Variants in TOX2 observed in about 807,000 individuals in gnomAD.
The protein encoded by TOX2 is TOX high mobility group box family member 2.
In TOX2, 15 loss-of-function variants were observed where a neutral mutation model predicts 47.4. The ratio of observed to expected loss-of-function variants is 0.32; its 90% CI spans 0.21 to 0.49. TOX2 has a LOEUF of 0.49. Ranked by LOEUF, TOX2 falls within the 20% of genes least tolerant of loss-of-function variation. The probability of loss-of-function intolerance (pLI) is 0.99; values close to 1 mark genes in which losing one functional copy is unlikely to be tolerated. For synonymous variants in TOX2, 290 were observed against 296.6 expected (o/e 0.98, Z 0.23); for missense variants, 622 against 673.1 (o/e 0.92, Z 0.84).
chr20:44,026,591 C>G (rs778624777), intron 3 of TOX2, among the ~76,000 whole-genome samples: 36 of 151,872 alleles, frequency 2.4e-4, no homozygotes, highest in Non-Finnish European at 8.8e-5. Flanking sequence ...ATTTGTTTTA[C>G]CTCAAAAATA....
At chr20:44,051,807 T>C (rs994157269) in intron 4 of TOX2, among the ~76,000 whole-genome samples, 40 of 152,192 alleles carry the variant, frequency 2.6e-4, no homozygotes, top group Admixed American at 2.0e-4. Flanking sequence ...GAGCACCTGG[T>C]CAGGGGGGAT....
intron 3 of TOX2, among the ~76,000 whole-genome samples, chr20:44,043,859 CAT>C (rs1405020257): frequency 6.6e-6 from 1 of 152,178 alleles, no homozygotes; most frequent in African/African-American, 2.4e-5. Context: ...AGAGTAGACA[CAT>C]ATATAGGCAA....
At chr20:44,001,205 G>T (rs1450062056) in intron 2 of TOX2, among the ~76,000 whole-genome samples, 2 of 152,216 alleles carry the variant, frequency 1.3e-5, no homozygotes, top group East Asian at 3.8e-4. Flanking sequence ...GTAGGAAAAT[G>T]CTGGGTTTGG....
Position 44,064,810 on chromosome 20 carries a change from G to A in TOX2, c.913G>A (p.Glu305Lys), listed in dbSNP as rs868252847. The A allele has an allele frequency of 1.2e-6, 2 of 1,614,044 alleles. No homozygotes were observed. The highest frequency in any genetic ancestry group is 1.3e-5 in the African/African-American group (1 of 74,924). Residue 305 changes from glutamate to lysine, a missense_variant, in exon 6 of 9, where the codon GAA (glutamate) becomes AAA (lysine). Physicochemically the swap from Glu to Lys is moderately conservative, Grantham distance 56. Coordinates refer to ENST00000341197, the MANE Select transcript of TOX2 (RefSeq NM_001098797.2). ...GAGGAAGACAGAAGCAGCAAAGAAGGAATATCTGAAGGCCCTGGCAGCCTA... is the reference window on the plus strand; with the variant it reads ...GAGGAAGACAGAAGCAGCAAAGAAGAAATATCTGAAGGCCCTGGCAGCCTA... ...YKRKTEAAKK[E>K]YLKALAAYRA...
In TOX2 at chr20:44,065,855, C is replaced by A. The variant is rs1220855120; in HGVS notation, c.1104C>A (p.Ala368=). 1 of 1,613,798 alleles carries A rather than the reference C, an allele frequency of 6.2e-7. No individual in the cohort carries two copies. Among genetic ancestry groups the A allele is most frequent in the Non-Finnish European group, 8.5e-7 (1 of 1,179,748 alleles). ...ACCTGCAGGCCTTCCGCAGTGGGGC[C>A]TCCCCTGCCAGCCTCGCCCGGACGC... ...PSDLQAFRSG[A]SPASLARTLG... The change falls in exon 7 of 9, where the codon GCC becomes GCA. Residue 368 remains alanine, a synonymous_variant. Transcript: ENST00000341197.
chr20:43,951,705 A>ATTTTTTTTTTTTTTTTTTTTTTTTT (rs1212223106), intron 1 of TOX2, among the ~76,000 whole-genome samples: 7 of 30,380 alleles, frequency 2.3e-4, no homozygotes, highest in South Asian at 1.3e-3. Flanking sequence ...TAAACTTATT[A>ATTTTTTTTTTTTTTTTTTTTTTTTT]TGTTTTTTTT....
intron 1 of TOX2, among the ~76,000 whole-genome samples, chr20:43,927,828 T>G (rs1403709594): frequency 3.7e-5 from 5 of 136,092 alleles, no homozygotes; most frequent in African/African-American, 1.4e-4. Flanking sequence ...CCAAGGAGCA[T>G]GCACTGCCTG....
intron 1 of TOX2, among the ~76,000 whole-genome samples, chr20:43,944,906 G>T (rs1219200691): frequency 6.6e-6 from 1 of 152,230 alleles, no homozygotes; most frequent in Non-Finnish European, 1.5e-5. Flanking sequence ...ACCCAGCTCT[G>T]TCTTATTTCA....
intron 4 of TOX2, 91 bp downstream of exon 4, chr20:44,051,636 A>G: frequency 6.8e-7 from 1 of 1,479,510 alleles, no homozygotes; most frequent in Non-Finnish European, 9.0e-7. Flanking sequence ...TCCCTCTAGT[A>G]AAGACTAGAA....
rs2070688607 is a variant in TOX2 at position 44,006,713 on chromosome 20, A to G, written c.332A>G (p.Gln111Arg). 1 of 1,614,092 alleles carries G rather than the reference A, an allele frequency of 6.2e-7. No homozygotes were observed. Among genetic ancestry groups the G allele is most frequent in the South Asian group, 1.1e-5 (1 of 91,066 alleles). The change falls in exon 3 of 9, where the codon CAG becomes CGG. Residue 111 changes from glutamine (Q) to arginine (R), a missense_variant. Transcript: ENST00000341197. ...PNGLLPAYSYQAMDLPAIMVS... is the reference protein window; with the variant it reads ...PNGLLPAYSYRAMDLPAIMVS... ...GGTCTGCTCCCTGCCTACTCCTATC[A>G]GGCCATGGACCTCCCAGCCATCATG...
At chr20:43,979,679 GAAA>G (rs565525726) in intron 2 of TOX2, among the ~76,000 whole-genome samples, 5 of 151,634 alleles carry the variant, frequency 3.3e-5, no homozygotes, top group African/African-American at 1.2e-4. Context: ...GACTCTATAG[GAAA>G]AAAAATCTCG....
intron 1 of TOX2, among the ~76,000 whole-genome samples, chr20:43,921,179 CA>C (rs1248025798): frequency 6.6e-6 from 1 of 152,204 alleles, no homozygotes; most frequent in Middle Eastern, 3.2e-3. Context: ...GAGCCTGGCA[CA>C]CAGAGCAGCC....
At position 44,051,402 on chromosome 20, in the gene TOX2, G is replaced by T; in HGVS notation, c.508G>T (p.Ala170Ser). Residue 170 changes from alanine to serine, a missense_variant, in exon 4 of 9, where the codon GCC becomes TCC. This residue lies in a region of TOX2 where 307 missense variants were observed against 327.3 expected (regional missense o/e 0.94). Transcript: ENST00000341197. ...RPAMLASHMS[A>S]LSQSQLISQM... is the part of the protein sequence containing the mutation. ...GGCAATGCTGGCCAGCCACATGAGTGCCCTCAGCCAGTCCCAGCTCATCTC... is the reference window on the plus strand; with the variant it reads ...GGCAATGCTGGCCAGCCACATGAGTTCCCTCAGCCAGTCCCAGCTCATCTC... 1 of 1,614,082 alleles carries T rather than the reference G, an allele frequency of 6.2e-7. No homozygotes were observed. The highest frequency in any genetic ancestry group is 1.3e-5 in the African/African-American group (1 of 75,052).
intron 1 of TOX2, among the ~76,000 whole-genome samples, chr20:43,952,983 C>T (rs73118256): frequency 0.033 from 4,999 of 151,650 alleles, 132 homozygotes; most frequent in African/African-American, 0.067. Context: ...TCACAGTGGT[C>T]CTTATAAGTG....
intron 1 of TOX2, among the ~76,000 whole-genome samples, chr20:43,932,387 A>G (rs2069263117): frequency 6.6e-6 from 1 of 152,214 alleles, no homozygotes; most frequent in Non-Finnish European, 1.5e-5. Context: ...GATTTCAATA[A>G]AAAGAGTTAT....
intron 1 of TOX2, among the ~76,000 whole-genome samples, chr20:43,940,240 G>T (rs2069384917): frequency 1.3e-5 from 2 of 151,960 alleles, no homozygotes; most frequent in Non-Finnish European, 2.9e-5. Flanking sequence ...TGAAGAGTTG[G>T]TGTCCTACTC....
At chr20:44,041,136 A>T (rs1334619187) in intron 3 of TOX2, among the ~76,000 whole-genome samples, 1 of 152,206 alleles carries the variant, frequency 6.6e-6, no homozygotes, top group Non-Finnish European at 1.5e-5. Context: ...GGAGCCCTGG[A>T]GCGCAGCTTC....
At chr20:44,000,086 G>A (rs1399704049) in intron 2 of TOX2, among the ~76,000 whole-genome samples, 3 of 152,238 alleles carry the variant, frequency 2.0e-5, no homozygotes, top group South Asian at 2.1e-4. Context: ...AAGGGGAATA[G>A]GAGATGATGA....
chr20:43,914,959 T>G lies in TOX2; in HGVS notation c.68T>G (p.Leu23Arg). The G allele has an allele frequency of 1.6e-6, 2 of 1,252,584 alleles. No homozygotes were observed. Among genetic ancestry groups the G allele is most frequent in the South Asian group, 2.5e-5 (1 of 39,444 alleles). 77.6% of individuals were successfully genotyped at this position (1,252,584 alleles called of 1,614,324 possible). Residue 23 changes from leucine (L) to arginine (R), a missense_variant, in exon 1 of 9, where the codon CTG becomes CGG. This residue lies in a region of TOX2 where 307 missense variants were observed against 327.3 expected (regional missense o/e 0.94). Coordinates refer to ENST00000341197, the MANE Select transcript of TOX2 (RefSeq NM_001098797.2). The surrounding 1 kb of genome is among the most constrained non-coding windows in gnomAD (Gnocchi z 4.5). ...GARPGAEPAG[L>R]AHLDYYHGGK... is the part of the protein sequence containing the mutation. ...CGGCCCGGGGCCGAGCCGGCCGGCC[T>G]GGCGCACCTGGACTATTACCACGGC...
Sources: gnomAD v4.1 joint callset for allele counts (sites outside exome capture counted in the v4.1 genomes callset) on GRCh38, gnomAD v4.1.1 for gene constraint, gnomAD v4.1.1 regional missense constraint, Gnocchi (gnomAD v3.1) non-coding constraint, MANE v1.5 for transcripts, NCBI Gene and HGNC (gene_info 2026-07-23, HGNC 2026-07-21) for gene names.